The following LIN9 variants were observed in gnomAD, a reference collection of about 807,000 sequenced individuals.
LIN9 encodes the protein lin-9 DREAM MuvB core complex component.
In LIN9, 18 loss-of-function variants were observed where a neutral mutation model predicts 78.0. The ratio of observed to expected loss-of-function variants is 0.23; its 90% confidence interval spans 0.16 to 0.34. LIN9 has a LOEUF of 0.34. LIN9 is among the 10% of genes least tolerant of loss of function. The pLI, the probability that LIN9 is intolerant of heterozygous loss-of-function variation, is 1.00. For missense variants in LIN9, 451 were observed against 644.1 expected, an observed-to-expected ratio of 0.70 and a Z score of 3.25; for synonymous variants, 192 against 215.2, an observed-to-expected ratio of 0.89 and a Z score of 0.94.
chr1:226,253,265 CAAA>C (rs60102894), intron 10 of LIN9, among the ~76,000 whole-genome samples: 15 of 118,442 alleles, frequency 1.3e-4, no homozygotes, highest in Non-Finnish European at 1.5e-4. Context: ...AACCCTGTCT[CAAA>C]AAAAAAAAAA....
Position 226,277,826 on chromosome 1 carries a change from C to A in LIN9, c.631G>T (p.Asp211Tyr). Reference protein sequence around the residue: ...RKVADVSQFKDLPDEIPLPLV... With the variant: ...RKVADVSQFKYLPDEIPLPLV... ...GGCAAAGGAATTTCATCTGGGAGAT[C>A]TTTGAATTGTGAAACATCTGCAACT... Residue 211 changes from aspartate (D) to tyrosine (Y), a missense_variant, in exon 7 of 15, where the codon GAT becomes TAT. Physicochemically the swap from Asp to Tyr is radical, Grantham distance 160. Coordinates refer to ENST00000681046, the MANE Select transcript of LIN9 (RefSeq NM_001366245.2). 1.2e-6 allele frequency: 2 copies of A among 1,613,876 alleles called. No homozygotes were observed. The highest frequency in any genetic ancestry group is 1.7e-6 in the Non-Finnish European group (2 of 1,179,900).
chr1:226,233,171 A>T lies in LIN9; in HGVS notation c.1448T>A (p.Leu483Gln), dbSNP rs745629732. The T allele has an allele frequency of 4.4e-6, 7 of 1,607,876 alleles. No homozygotes were observed. The highest frequency in any genetic ancestry group is 2.7e-5 in the African/African-American group (2 of 74,692). ...QIKCLAEGGD[L>Q]NSFEFKSLTD... ...AAGTGATTTGAATTCAAAGGAATTCAGGTCTCCTCCTTCTGCTAGACACTA... is the reference window on the plus strand; with the variant it reads ...AAGTGATTTGAATTCAAAGGAATTCTGGTCTCCTCCTTCTGCTAGACACTA... Residue 483 changes from leucine to glutamine, a missense_variant, in exon 14 of 15, where the codon CTG becomes CAG. Coordinates refer to ENST00000681046, the MANE Select transcript of LIN9 (RefSeq NM_001366245.2).
intron 8 of LIN9, 22 bp downstream of exon 8, chr1:226,267,935 T>C (rs748298348): frequency 1.2e-6 from 2 of 1,602,312 alleles, no homozygotes; most frequent in South Asian, 2.2e-5. Flanking sequence ...AAAACACAAA[T>C]GTATTATGAA....
chr1:226,239,695 C>T (rs1476365678), intron 11 of LIN9, among the ~76,000 whole-genome samples: 1 of 152,128 alleles, frequency 6.6e-6, no homozygotes, highest in Non-Finnish European at 1.5e-5. Context: ...TGAGATAATA[C>T]ATGCTAGCAC....
chr1:226,251,008 C>A, intron 10 of LIN9, 89 bp from the exon 11 acceptor site: 1 of 652,278 alleles, frequency 1.5e-6, no homozygotes, highest in South Asian at 1.8e-5. Context: ...TAGTAAGATA[C>A]TTCAGCAATA....
chr1:226,281,160 C>A (rs1402438309), intron 6 of LIN9, among the ~76,000 whole-genome samples: 1 of 151,994 alleles, frequency 6.6e-6, no homozygotes, highest in Non-Finnish European at 1.5e-5. Flanking sequence ...GTGTAATAAG[C>A]CAGGCACAGA....
At chr1:226,256,036 A>G (rs558799151) in intron 10 of LIN9, among the ~76,000 whole-genome samples, 39 of 152,140 alleles carry the variant, frequency 2.6e-4, no homozygotes, top group African/African-American at 8.7e-4. Context: ...AAACACCACA[A>G]AAACCTCTAG....
At position 226,301,146 on chromosome 1, in the gene LIN9, T is replaced by C. The variant is rs1662512880; in HGVS notation, c.64+27A>G. ...TAACAAATTAGACTTTTAGCTATGGTATACCTAAAAATGCTATACTTCTTA... is the reference window on the plus strand; with the variant it reads ...TAACAAATTAGACTTTTAGCTATGGCATACCTAAAAATGCTATACTTCTTA... On this transcript the variant is annotated intron_variant, in intron 2 of 14. Transcript: ENST00000681046. The C allele has an allele frequency of 5.8e-6, 9 of 1,551,816 alleles. No homozygotes were observed. In the East Asian group the frequency reaches 1.8e-4, roughly 31 times the overall value.
In LIN9 at chr1:226,265,149, C is replaced by A. The variant is rs902972826; in HGVS notation, c.1038+384G>T. On this transcript the variant is annotated intron_variant, in intron 10 of 14. Coordinates refer to ENST00000681046, the MANE Select transcript of LIN9 (RefSeq NM_001366245.2). This position sits in a 1 kb window ranked among gnomAD's most constrained non-coding sequence, Gnocchi z 4.1. ...TGAAAAGAAATAAAATTTCTTCTAA[C>A]CATATAAGCTAGCCAGGACATCATA... Among the ~76,000 whole-genome samples, 2 of 152,120 alleles carry A rather than the reference C, an allele frequency of 1.3e-5. No individual in the cohort carries two copies. Among genetic ancestry groups the A allele is most frequent in the Non-Finnish European group, 2.9e-5 (2 of 68,022 alleles).
At chr1:226,256,080 C>T (rs924988885) in intron 10 of LIN9, among the ~76,000 whole-genome samples, 1 of 151,732 alleles carries the variant, frequency 6.6e-6, no homozygotes, top group Non-Finnish European at 1.5e-5. Context: ...TACAGAAAAT[C>T]CAAGATAAAG....
At chr1:226,286,928 C>G (rs1333963847) in intron 5 of LIN9, among the ~76,000 whole-genome samples, 1 of 152,120 alleles carries the variant, frequency 6.6e-6, no homozygotes, top group African/African-American at 2.4e-5. Context: ...CTCTCTTAAG[C>G]CTATGGACAA....
chr1:226,282,860 G>C (rs1661155804), intron 6 of LIN9, among the ~76,000 whole-genome samples: 1 of 152,070 alleles, frequency 6.6e-6, no homozygotes, highest in Admixed American at 6.6e-5. Context: ...CTGTATCTCA[G>C]CAAACTTTGA....
At chr1:226,257,889 G>A (rs1437034042) in intron 10 of LIN9, among the ~76,000 whole-genome samples, 1 of 152,088 alleles carries the variant, frequency 6.6e-6, no homozygotes, top group Non-Finnish European at 1.5e-5. Context: ...TAGATTAAAA[G>A]TAAATGGATG....
chr1:226,296,310 T>A (rs1158828347), intron 3 of LIN9, among the ~76,000 whole-genome samples: 2 of 152,196 alleles, frequency 1.3e-5, no homozygotes, highest in African/African-American at 4.8e-5. Flanking sequence ...GTGTGTGACA[T>A]GATATGTCTG....
intron 4 of LIN9, among the ~76,000 whole-genome samples, chr1:226,292,828 G>C (rs1430903965): frequency 1.3e-5 from 2 of 152,102 alleles, no homozygotes; most frequent in Admixed American, 1.3e-4. Flanking sequence ...TAGGACTCTG[G>C]AGACAGGCTG....
intron 6 of LIN9, among the ~76,000 whole-genome samples, chr1:226,279,290 G>T (rs1010616115): frequency 6.7e-6 from 1 of 148,792 alleles, no homozygotes; most frequent in African/African-American, 2.5e-5. Context: ...AACATAGTGA[G>T]ACTTTGTTTC....
At chr1:226,279,810 T>C (rs565454312) in intron 6 of LIN9, among the ~76,000 whole-genome samples, 1 of 151,272 alleles carries the variant, frequency 6.6e-6, no homozygotes, top group South Asian at 2.1e-4. Flanking sequence ...AAAGGAACTG[T>C]TTCTTTTCAC....
At chr1:226,277,737 T>C in intron 7 of LIN9, 38 bp downstream of exon 7, 1 of 1,558,368 alleles carries the variant, frequency 6.4e-7, no homozygotes, top group Non-Finnish European at 8.7e-7. Context: ...TGATTAAAAA[T>C]TACAAGTCAA....
rs1663119268 is a variant in LIN9, at chr1:226,309,110, C to G, written c.30G>C (p.Glu10Asp). MAELDQLPDESSSAKALVSL... is the reference protein window; with the variant it reads MAELDQLPDDSSSAKALVSL... ...GGGGTGCTTTGAGGTGCTACTCACT[C>G]TCGTCAGGCAACTGGTCGAGCTCCG... The change falls in exon 1 of 15, where the codon GAG becomes GAC. Residue 10 changes from glutamate to aspartate, a missense_variant and splice_region_variant. Physicochemically the swap from Glu to Asp is conservative, Grantham distance 45. Coordinates refer to ENST00000681046, the MANE Select transcript of LIN9 (RefSeq NM_001366245.2). The G allele has an allele frequency of 7.5e-7, 1 of 1,329,268 alleles. No homozygotes were observed. Among genetic ancestry groups the G allele is most frequent in the Non-Finnish European group, 9.7e-7 (1 of 1,028,294 alleles). 82.3% of individuals were successfully genotyped at this position (1,329,268 alleles called of 1,614,324 possible). A position where few individuals can be genotyped will look rare whatever the true frequency, so the allele number is the denominator to read the frequency against.
Sources: allele counts gnomAD v4.1 joint callset (sites outside exome capture counted in the v4.1 genomes callset), GRCh38; gene constraint gnomAD v4.1.1; non-coding constraint Gnocchi (gnomAD v3.1); transcripts MANE v1.5; gene names NCBI Gene and HGNC (gene_info 2026-07-23, HGNC 2026-07-21).